FRAS1: variants seen among roughly 807,000 people sequenced by gnomAD.
FRAS1 encodes the protein Fraser extracellular matrix complex subunit 1.
In FRAS1, 290 loss-of-function variants were observed where a neutral mutation model predicts 435.2. The observed-to-expected ratio is 0.67, with a 90% confidence interval of 0.61 to 0.73. The LOEUF is 0.73. Among genes scored for constraint, FRAS1 ranks in the 30% least tolerant of loss-of-function variants. The probability of loss-of-function intolerance (pLI) is 0.00; values close to 1 mark genes in which losing one functional copy is unlikely to be tolerated. For synonymous variants in FRAS1, 1,800 were observed against 1,851.0 expected (o/e 0.97, Z 0.71); for missense variants, 4,860 against 5,001.5 (o/e 0.97, Z 0.85).
chr4:78,513,966 T>C (rs1721126754), intron 65 of FRAS1, among the ~76,000 whole-genome samples: 1 of 152,224 alleles, frequency 6.6e-6, no homozygotes. Flanking sequence ...TATAGAAAGC[T>C]GAAGTGAAGA....
At chr4:78,382,316 A>G (rs1388159532) in intron 27 of FRAS1, among the ~76,000 whole-genome samples, 3 of 151,952 alleles carry the variant, frequency 2.0e-5, no homozygotes, top group East Asian at 3.9e-4. Context: ...AAAATGATAA[A>G]TAATGTATTT....
chr4:78,173,247 C>T (rs1273707754), intron 2 of FRAS1, among the ~76,000 whole-genome samples: 1 of 152,218 alleles, frequency 6.6e-6, no homozygotes, highest in East Asian at 1.9e-4. Context: ...TGGCTCATCT[C>T]TCTCTTGAGC....
intron 20 of FRAS1, among the ~76,000 whole-genome samples, chr4:78,359,801 GTTGATCA>G (rs1731006586): frequency 6.6e-6 from 1 of 152,190 alleles, no homozygotes; most frequent in Admixed American, 6.5e-5. Context: ...GCAACTTGGA[GTTGATCA>G]TTTTATATTT....
chr4:78,072,545 G>T (rs1478650789), intron 2 of FRAS1, among the ~76,000 whole-genome samples: 1 of 152,142 alleles, frequency 6.6e-6, no homozygotes, highest in East Asian at 1.9e-4. Flanking sequence ...CAGCAGTGGG[G>T]AGAATACTTG....
At chr4:78,490,777 A>G (rs1720324353) in intron 59 of FRAS1, among the ~76,000 whole-genome samples, 1 of 152,218 alleles carries the variant, frequency 6.6e-6, no homozygotes, top group East Asian at 1.9e-4. Context: ...TTCAAAAGCT[A>G]TCAGAAGACA....
chr4:78,302,205 A>G (rs1409914593), intron 14 of FRAS1, among the ~76,000 whole-genome samples: 2 of 150,408 alleles, frequency 1.3e-5, no homozygotes, highest in South Asian at 2.1e-4. Flanking sequence ...TTATGGCTGC[A>G]TAGTATTCCA....
At chr4:78,066,665 T>G (rs2109850711) in intron 2 of FRAS1, among the ~76,000 whole-genome samples, 1 of 152,344 alleles carries the variant, frequency 6.6e-6, no homozygotes, top group Non-Finnish European at 1.5e-5. Context: ...TCAACTCTAA[T>G]AAATGGTGTG....
rs72430754 is a variant in FRAS1 at position 78,420,879 on chromosome 4, C to CATATATATATATATATAT, written c.4541-959_4541-942dup. On this transcript the variant is annotated intron_variant, in intron 33 of 73. Transcript: ENST00000512123. ...CTCTAGAGGGACAGAACTAATAGGA[C>CATATATATATATATATAT]ATATATATATATATATATATATATA... 2.6e-4 allele frequency among the ~76,000 whole-genome samples: 25 copies of CATATATATATATATATAT among 95,500 alleles called. 1 individual carries two copies. Among genetic ancestry groups the CATATATATATATATATAT allele is most frequent in the Non-Finnish European group, 3.7e-4 (19 of 51,104 alleles). The allele number at this position is 95,500 out of a possible 152,430, so 62.7% of individuals were successfully genotyped here.
At chr4:78,180,852 C>A in intron 2 of FRAS1, 1 of 1,572,516 alleles carries the variant, frequency 6.4e-7, no homozygotes, top group Non-Finnish European at 8.7e-7. Context: ...CCAGGGTTGT[C>A]TTATGGCATC....
Position 78,501,782 on chromosome 4 carries a change from A to G in FRAS1, c.9316+1861A>G, listed in dbSNP as rs775092022. On this transcript the variant is annotated intron_variant, in intron 61 of 73. Coordinates refer to ENST00000512123, the MANE Select transcript of FRAS1 (RefSeq NM_025074.7). The stretch of plus-strand genomic sequence containing the variant: ...TGCCATTGCTTTTAGTGTTTTAGTC[A>G]TGAAGTCGTTACCCATGCCTATGTC... 5.5e-4 allele frequency among the ~76,000 whole-genome samples: 84 copies of G among 152,200 alleles called. 2 individuals carry two copies. Among genetic ancestry groups the G allele is most frequent in the Non-Finnish European group, 1.2e-4 (8 of 68,034 alleles).
At chr4:78,123,140 A>T (rs1719125572) in intron 2 of FRAS1, among the ~76,000 whole-genome samples, 1 of 152,140 alleles carries the variant, frequency 6.6e-6, no homozygotes, top group Non-Finnish European at 1.5e-5. Flanking sequence ...ATCCATGTTC[A>T]GTTGATTTTT....
chr4:78,247,038 T>A (rs1422186192), intron 4 of FRAS1, among the ~76,000 whole-genome samples: 1 of 152,190 alleles, frequency 6.6e-6, no homozygotes, highest in Non-Finnish European at 1.5e-5. Flanking sequence ...AATTAGTAAA[T>A]CTTTTCTCCA....
chr4:78,412,721 G>T lies in FRAS1; in HGVS notation c.4309-248G>T, dbSNP rs114842573. 8.3e-3 allele frequency among the ~76,000 whole-genome samples: 1,256 copies of T among 152,140 alleles called. 15 individuals are homozygous for T. Among genetic ancestry groups the T allele is most frequent in the African/African-American group, 0.029 (1,214 of 41,492 alleles). Reference sequence around the variant, plus strand: ...ATTTCTAGATAGTGAAATTCTAGATGATTTTTTATTGCTTATTTATGCTTT... The same window carrying T: ...ATTTCTAGATAGTGAAATTCTAGATTATTTTTTATTGCTTATTTATGCTTT... On this transcript the variant is annotated intron_variant, in intron 31 of 73. Transcript: ENST00000512123.
intron 40 of FRAS1, 43 bp from the exon 41 acceptor site, chr4:78,441,117 TTA>T: frequency 6.2e-7 from 1 of 1,605,078 alleles, no homozygotes; most frequent in Non-Finnish European, 8.5e-7. Flanking sequence ...TTTACTGTGG[TTA>T]TGTGAAATCA....
At chr4:78,285,003 C>T (rs996480821) in intron 13 of FRAS1, among the ~76,000 whole-genome samples, 52 of 152,186 alleles carry the variant, frequency 3.4e-4, no homozygotes, top group Admixed American at 1.3e-4. Context: ...AGAAATTAAC[C>T]AACTTGCTCA....
intron 15 of FRAS1, among the ~76,000 whole-genome samples, chr4:78,312,723 T>C: frequency 6.6e-6 from 1 of 151,794 alleles, no homozygotes; most frequent in East Asian, 1.9e-4. Flanking sequence ...TCCTAGTTCC[T>C]CTGGAAGCTG....
At chr4:78,466,513 A>G (rs1394879507) in intron 50 of FRAS1, 78 bp downstream of exon 50, 3 of 1,062,264 alleles carry the variant, frequency 2.8e-6, no homozygotes, top group African/African-American at 1.6e-5. Context: ...CATCAAGCAT[A>G]CCATTGTTTG....
At chr4:78,444,118 G>A in intron 41 of FRAS1, 2 of 450,492 alleles carry the variant, frequency 4.4e-6, no homozygotes, top group Non-Finnish European at 8.9e-6. Context: ...GCCTCCCAAA[G>A]TGTTGGGATT....
At chr4:78,080,475 C>T (rs1178660554) in intron 2 of FRAS1, among the ~76,000 whole-genome samples, 1 of 152,024 alleles carries the variant, frequency 6.6e-6, no homozygotes, top group Non-Finnish European at 1.5e-5. Flanking sequence ...GGCAAGAAGT[C>T]GATTAAAGTA....
Sources: gnomAD v4.1 joint callset for allele counts (sites outside exome capture counted in the v4.1 genomes callset) on GRCh38, gnomAD v4.1.1 for gene constraint, MANE v1.5 for transcripts, NCBI Gene and HGNC (gene_info 2026-07-23, HGNC 2026-07-21) for gene names.